DGKB: variants seen among roughly 807,000 people sequenced by gnomAD.
DGKB encodes 90 kDa diacylglycerol kinase.
In DGKB, 67 loss-of-function variants were observed where a neutral mutation model predicts 114.3. That is an observed-to-expected ratio of 0.59 (90% CI 0.48 to 0.72). The LOEUF (loss-of-function observed/expected upper bound fraction) is 0.72. Among genes scored for constraint, DGKB ranks in the 30% least tolerant of loss-of-function variants. The pLI is 0.00. For synonymous variants in DGKB, 398 were observed against 323.1 expected, an observed-to-expected ratio of 1.23 and a Z score of -2.49; for missense variants, 907 against 975.2, an observed-to-expected ratio of 0.93 and a Z score of 0.93.
At chr7:14,320,231 T>A (rs1807492549) in intron 23 of DGKB, among the ~76,000 whole-genome samples, 1 of 152,194 alleles carries the variant, frequency 6.6e-6, no homozygotes, top group Admixed American at 6.5e-5. Flanking sequence ...CCTACATGTC[T>A]GATCCAGGTG....
chr7:14,648,122 T>C (rs922069729), intron 13 of DGKB, among the ~76,000 whole-genome samples: 2 of 152,202 alleles, frequency 1.3e-5, no homozygotes, highest in African/African-American at 4.8e-5. Flanking sequence ...GCCAGGAAGC[T>C]GGAACTGGGT....
chr7:14,918,728 A>G (rs1223669537), intron 1 of DGKB, among the ~76,000 whole-genome samples: 2 of 152,106 alleles, frequency 1.3e-5, no homozygotes, highest in East Asian at 1.9e-4. Context: ...ATCCCAATCA[A>G]AATTTCAGCA....
At chr7:14,831,602 A>C (rs1846422252) in intron 2 of DGKB, among the ~76,000 whole-genome samples, 1 of 152,002 alleles carries the variant, frequency 6.6e-6, no homozygotes, top group African/African-American at 2.4e-5. Context: ...AAGTAGGGGG[A>C]CAGAAAAAAA....
chr7:14,750,470 G>A (rs949669285), intron 4 of DGKB, among the ~76,000 whole-genome samples: 18 of 152,136 alleles, frequency 1.2e-4, no homozygotes, highest in African/African-American at 3.4e-4. Context: ...ACTTTGGGTC[G>A]TATACCTGAA....
intron 20 of DGKB, among the ~76,000 whole-genome samples, chr7:14,492,813 A>G (rs1159037464): frequency 6.6e-6 from 1 of 152,146 alleles, no homozygotes; most frequent in Admixed American, 6.6e-5. Context: ...ACAACTCAAT[A>G]CAATTACACA....
chr7:14,456,931 A>C (rs17168201), intron 21 of DGKB, among the ~76,000 whole-genome samples: 10,364 of 152,150 alleles, frequency 0.068, 483 homozygotes, highest in East Asian at 0.22. Context: ...TACAGAATGA[A>C]GAAAAGAGAT....
At chr7:14,484,174 G>T (rs753024200) in intron 20 of DGKB, among the ~76,000 whole-genome samples, 1 of 151,810 alleles carries the variant, frequency 6.6e-6, no homozygotes. Context: ...TAGCAAAAAG[G>T]CATAAGAGCA....
intron 2 of DGKB, among the ~76,000 whole-genome samples, chr7:14,819,827 A>G (rs1219513971): frequency 2.0e-5 from 3 of 152,190 alleles, no homozygotes; most frequent in Admixed American, 6.5e-5. Flanking sequence ...AAGTATATGA[A>G]GTAAACACAC....
chr7:14,338,498 A>G lies in DGKB; in HGVS notation c.2122+17T>C, dbSNP rs750906120. ...AGGTTAACAAGCAATTTAACAACTA[A>G]TTGTTAGAAAACTGACCTTGACTTG... On this transcript the variant is annotated intron_variant, in intron 23 of 25. Coordinates refer to ENST00000402815, the MANE Select transcript of DGKB (RefSeq NM_001350709.2). 12 of 1,511,548 alleles carry G rather than the reference A, an allele frequency of 7.9e-6. No individual in the cohort carries two copies. The Admixed American group carries it at 1.5e-4, about 19-fold the overall frequency. The allele number at this position is 1,511,548 out of a possible 1,614,324, so 93.6% of individuals were successfully genotyped here.
chr7:14,931,669 A>G (rs1256990074), intron 1 of DGKB, among the ~76,000 whole-genome samples: 1 of 152,102 alleles, frequency 6.6e-6, no homozygotes, highest in African/African-American at 2.4e-5. Flanking sequence ...CTTATGACCT[A>G]GTCCCAACAT....
At chr7:14,276,821 A>AT (rs1391980844) in intron 23 of DGKB, among the ~76,000 whole-genome samples, 1 of 151,896 alleles carries the variant, frequency 6.6e-6, no homozygotes, top group African/African-American at 2.4e-5. Context: ...AAACATTTAT[A>AT]TTTTTAAAAT....
rs1563533840 is a variant in DGKB, at chr7:14,567,261, T to TTATATATATA, written c.1770+6950_1770+6951insTATATATATA. On this transcript the variant is annotated intron_variant, in intron 20 of 25. Transcript: ENST00000402815. ...ATATTATATATATTATATATTTATATATTATATATATAATTATATTATATA... is the reference window on the plus strand; with the variant it reads ...ATATTATATATATTATATATTTATATTATATATATAATTATATATATAATTATATTATATA... 8.7e-4 allele frequency among the ~76,000 whole-genome samples: 41 copies of TTATATATATA among 47,360 alleles called. 3 individuals are homozygous for TTATATATATA. The highest frequency in any genetic ancestry group is 3.3e-3 in the African/African-American group (38 of 11,344). The allele number at this position is 47,360 out of a possible 152,430, so 31.1% of individuals were successfully genotyped here.
At chr7:14,572,760 A>G (rs1798585204) in intron 20 of DGKB, among the ~76,000 whole-genome samples, 1 of 152,232 alleles carries the variant, frequency 6.6e-6, no homozygotes, top group South Asian at 2.1e-4. Context: ...TACAGTTCAT[A>G]TGAGTGAACT....
intron 25 of DGKB, among the ~76,000 whole-genome samples, chr7:14,163,896 G>A (rs1236660350): frequency 6.6e-6 from 1 of 152,080 alleles, no homozygotes; most frequent in East Asian, 1.9e-4. Flanking sequence ...CCGGGAGGCT[G>A]AGGCAGGAGA....
chr7:14,407,281 T>A (rs1289706484), intron 21 of DGKB, among the ~76,000 whole-genome samples: 1 of 152,122 alleles, frequency 6.6e-6, no homozygotes, highest in African/African-American at 2.4e-5. Context: ...ATGTAGTTAG[T>A]GCTATTATGT....
At chr7:14,718,497 C>T (rs377483240) in intron 6 of DGKB, 45 bp downstream of exon 6, 40 of 1,562,380 alleles carry the variant, frequency 2.6e-5, no homozygotes, top group Non-Finnish European at 3.3e-5. Flanking sequence ...AGTCCTTTCT[C>T]CTGCCCCCAA....
In DGKB at chr7:14,599,604, A is replaced by C. The variant is rs141842929; in HGVS notation, c.1433+7830T>G. 2.0e-5 allele frequency among the ~76,000 whole-genome samples: 3 copies of C among 152,288 alleles called. No individual in the cohort carries two copies. In the East Asian group the frequency reaches 5.8e-4, roughly 29 times the overall value. ...CCAACAATGCACACTCCTTGTTTAC[A>C]TTCCCTGCTAATATATGTATATTTC... On this transcript the variant is annotated intron_variant, in intron 17 of 25. Coordinates refer to ENST00000402815, the MANE Select transcript of DGKB (RefSeq NM_001350709.2).
intron 21 of DGKB, among the ~76,000 whole-genome samples, chr7:14,458,896 G>A (rs1832684307): frequency 6.6e-6 from 1 of 152,200 alleles, no homozygotes; most frequent in African/African-American, 2.4e-5. Context: ...AGGGAGCCAA[G>A]TGGTTTAGCT....
intron 1 of DGKB, among the ~76,000 whole-genome samples, chr7:14,899,525 C>T (rs1245920323): frequency 6.6e-6 from 1 of 152,044 alleles, no homozygotes; most frequent in South Asian, 2.1e-4. Context: ...TTTGGACCAG[C>T]CTTCCACTAT....
Sources: gnomAD v4.1 joint callset for allele counts (sites outside exome capture counted in the v4.1 genomes callset) on GRCh38, gnomAD v4.1.1 for gene constraint, MANE v1.5 for transcripts, NCBI Gene and HGNC (gene_info 2026-07-23, HGNC 2026-07-21) for gene names.